Variants in NCAM1 observed in about 807,000 individuals in gnomAD.
NCAM1 encodes the protein antigen recognized by monoclonal antibody 5.1H11.
NCAM1 carries 14 observed loss-of-function variants against 109.8 expected under a neutral mutation model. That is an observed-to-expected ratio of 0.13 (90% CI 0.08 to 0.20). NCAM1 has a LOEUF of 0.20. Among genes scored for constraint, NCAM1 ranks in the 10% least tolerant of loss-of-function variants. The pLI is 1.00. For synonymous variants in NCAM1, 418 were observed against 442.9 expected, an observed-to-expected ratio of 0.94 and a Z score of 0.70; for missense variants, 774 against 1,109.9, an observed-to-expected ratio of 0.70 and a Z score of 4.30.
rs190832507 is a variant in NCAM1 at position 113,197,498 on chromosome 11, T to C, written c.53-4881T>C. 3.3e-5 allele frequency among the ~76,000 whole-genome samples: 5 copies of C among 152,372 alleles called. No individual in the cohort carries two copies. In the East Asian group the frequency reaches 9.6e-4, roughly 29 times the overall value. On this transcript the variant is annotated intron_variant, in intron 1 of 19. Coordinates refer to ENST00000316851, the MANE Select transcript of NCAM1 (RefSeq NM_181351.5). The stretch of plus-strand genomic sequence containing the variant: ...TCCATGGTCATTATTAAATAGATTA[T>C]AGAAAACTCCCTTATCTCATCATAG...
chr11:113,076,094 G>C (rs1242533299), intron 1 of NCAM1, among the ~76,000 whole-genome samples: 1 of 152,202 alleles, frequency 6.6e-6, no homozygotes, highest in Non-Finnish European at 1.5e-5. Flanking sequence ...CTTTTGAACT[G>C]ACAAGTGTCT....
chr11:113,205,463 G>A, intron 3 of NCAM1, 60 bp from the exon 4 acceptor site: 1 of 1,565,386 alleles, frequency 6.4e-7, no homozygotes, highest in Non-Finnish European at 8.7e-7. Context: ...TGGCTCTAGT[G>A]AAAGGGGTTC....
intron 1 of NCAM1, among the ~76,000 whole-genome samples, chr11:113,081,994 T>C (rs1164702240): frequency 6.6e-6 from 1 of 152,248 alleles, no homozygotes; most frequent in East Asian, 1.9e-4. Context: ...CTTTACACTA[T>C]ATGCACATGA....
At chr11:113,045,384 G>C (rs75535995) in intron 1 of NCAM1, among the ~76,000 whole-genome samples, 3 of 152,056 alleles carry the variant, frequency 2.0e-5, no homozygotes, top group Non-Finnish European at 4.4e-5. Flanking sequence ...TCGGCAGCTC[G>C]GCAGGTGAGG....
At chr11:112,981,613 T>C (rs1429227290) in intron 1 of NCAM1, among the ~76,000 whole-genome samples, 1 of 151,870 alleles carries the variant, frequency 6.6e-6, no homozygotes, top group East Asian at 1.9e-4. Context: ...GGTCTTGAGC[T>C]AACTGGAACT....
At chr11:113,199,823 C>A (rs1555111540) in intron 1 of NCAM1, among the ~76,000 whole-genome samples, 1 of 84,338 alleles carries the variant, frequency 1.2e-5, no homozygotes. Flanking sequence ...GTAAAAGAAA[C>A]ACCCTTAAAA....
At chr11:113,116,412 A>G (rs1380693449) in intron 1 of NCAM1, among the ~76,000 whole-genome samples, 28 of 152,204 alleles carry the variant, frequency 1.8e-4, no homozygotes, top group African/African-American at 5.6e-4. Context: ...AGGGACCATC[A>G]CAACACTGCA....
chr11:112,982,872 A>C (rs1390288799), intron 1 of NCAM1, among the ~76,000 whole-genome samples: 1 of 151,882 alleles, frequency 6.6e-6, no homozygotes, highest in African/African-American at 2.4e-5. Context: ...TACCGCTGGA[A>C]ATAGAAGTCT....
chr11:113,110,474 A>T (rs1221950529), intron 1 of NCAM1, among the ~76,000 whole-genome samples: 3 of 152,170 alleles, frequency 2.0e-5, no homozygotes, highest in Non-Finnish European at 4.4e-5. Context: ...CCCTAAATTC[A>T]TGCCCTATTG....
intron 1 of NCAM1, among the ~76,000 whole-genome samples, chr11:113,119,334 C>T (rs145335294): frequency 1.3e-5 from 2 of 152,168 alleles, no homozygotes; most frequent in Non-Finnish European, 2.9e-5. Flanking sequence ...ATCCATGGAG[C>T]AGATGAAATA....
chr11:113,224,303 A>T (rs1358604785), intron 9 of NCAM1, among the ~76,000 whole-genome samples: 1 of 152,232 alleles, frequency 6.6e-6, no homozygotes, highest in Non-Finnish European at 1.5e-5. Context: ...CATGGCTCAG[A>T]GGGTCCTACG....
chr11:113,080,056 G>A (rs531012007), intron 1 of NCAM1, among the ~76,000 whole-genome samples: 2 of 152,142 alleles, frequency 1.3e-5, no homozygotes, highest in Non-Finnish European at 2.9e-5. Context: ...ATTCTACAGA[G>A]AACCGTCTGA....
At chr11:113,267,438 A>C (rs1489357717) in intron 17 of NCAM1, among the ~76,000 whole-genome samples, 2 of 151,608 alleles carry the variant, frequency 1.3e-5, no homozygotes, top group African/African-American at 4.9e-5. Flanking sequence ...ACACTAGATA[A>C]GAGATCAGAT....
At chr11:113,248,307 A>C (rs964593577) in intron 15 of NCAM1, among the ~76,000 whole-genome samples, 2 of 151,468 alleles carry the variant, frequency 1.3e-5, no homozygotes, top group African/African-American at 2.4e-5. Context: ...CCATGTCCTC[A>C]TCCATGACAG....
chr11:113,058,023 AC>A (rs1953775208), intron 1 of NCAM1, among the ~76,000 whole-genome samples: 1 of 152,124 alleles, frequency 6.6e-6, no homozygotes, highest in Non-Finnish European at 1.5e-5. Flanking sequence ...GGTGGCTCAC[AC>A]CTGTAATTCC....
At chr11:113,089,808 A>G (rs146783057) in intron 1 of NCAM1, among the ~76,000 whole-genome samples, 6 of 152,346 alleles carry the variant, frequency 3.9e-5, no homozygotes, top group African/African-American at 1.4e-4. Flanking sequence ...TGAAGAAAGT[A>G]TATTTTTCCC....
intron 1 of NCAM1, chr11:113,133,209 A>C (rs782310327): frequency 6.6e-6 from 1 of 152,206 alleles, no homozygotes; most frequent in Non-Finnish European, 1.5e-5. Context: ...TCTAATTATG[A>C]TGGCAGGAGA....
chr11:112,961,711 C>G, intron 1 of NCAM1, 47 bp downstream of exon 1: 2 of 1,188,456 alleles, frequency 1.7e-6, no homozygotes, highest in Non-Finnish European at 2.4e-6. Flanking sequence ...GCTAATTACC[C>G]CTTCCTCCTA....
intron 1 of NCAM1, among the ~76,000 whole-genome samples, chr11:113,159,799 G>A (rs1942538465): frequency 6.6e-6 from 1 of 151,114 alleles, no homozygotes; most frequent in Admixed American, 6.6e-5. Context: ...TTGGTGTGCT[G>A]CACCTATTAA....
Sources: gnomAD v4.1 joint callset for allele counts (sites outside exome capture counted in the v4.1 genomes callset) on GRCh38, gnomAD v4.1.1 for gene constraint, MANE v1.5 for transcripts, NCBI Gene and HGNC (gene_info 2026-07-23, HGNC 2026-07-21) for gene names.